The following DNHD1 variants were observed in gnomAD, a reference collection of about 807,000 sequenced individuals.
DNHD1 encodes the protein dynein heavy chain domain 1, also known as dynein heavy chain domain-containing protein 1.
DNHD1 carries 383 observed loss-of-function variants against 458.1 expected under a neutral mutation model. The observed-to-expected ratio is 0.84, with a 90% CI of 0.77 to 0.91. DNHD1 has a LOEUF of 0.91. Among genes scored for constraint, DNHD1 ranks in the 40% least tolerant of loss-of-function variants. DNHD1 has a pLI of 0.00. For synonymous variants in DNHD1, 2,203 were observed against 2,376.9 expected (o/e 0.93, Z 2.13); for missense variants, 5,336 against 5,866.1 (o/e 0.91, Z 2.95).
At chr11:6,510,673 G>A (rs896965037) in intron 6 of DNHD1, among the ~76,000 whole-genome samples, 1 of 152,138 alleles carries the variant, frequency 6.6e-6, no homozygotes, top group Non-Finnish European at 1.5e-5. Flanking sequence ...AGAATTAAAC[G>A]ACACTGTGAA....
Position 6,571,866 on chromosome 11 carries a change from C to A in DNHD1, c.14142C>A (p.Pro4714=). The change falls in exon 43 of 43, where the codon CCC becomes CCA. Residue 4714 remains proline, a synonymous_variant. Coordinates refer to ENST00000254579, the MANE Select transcript of DNHD1 (RefSeq NM_144666.3). This position sits in a 1 kb window ranked among gnomAD's most constrained non-coding sequence, Gnocchi z 5.0. ...CGTGTCCTGTGTACATGGGAGGGCC[C>A]CTTGGCACCGCTAAGCTGCAGAGCA... ...VYSCPVYMGG[P]LGTAKLQSRN... The A allele has an allele frequency of 6.2e-7, 1 of 1,614,002 alleles. No homozygotes were observed. The highest frequency in any genetic ancestry group is 8.5e-7 in the Non-Finnish European group (1 of 1,179,894).
At chr11:6,511,857 A>G (rs1024371993) in intron 7 of DNHD1, among the ~76,000 whole-genome samples, 7 of 152,270 alleles carry the variant, frequency 4.6e-5, no homozygotes, top group Admixed American at 2.0e-4. Flanking sequence ...TTAATTATGC[A>G]TATGTTGCAT....
In DNHD1 at chr11:6,546,412, G is replaced by A; in HGVS notation, c.5473G>A (p.Val1825Met). 1.9e-6 allele frequency: 3 copies of A among 1,551,972 alleles called. No individual in the cohort carries two copies. The highest frequency in any genetic ancestry group is 2.6e-6 in the Non-Finnish European group (3 of 1,147,074). The change falls in exon 21 of 43, where the codon GTG (valine) becomes ATG (methionine). Residue 1825 changes from valine to methionine, a missense_variant. By Grantham distance (21) the Val-to-Met change is conservative. This residue lies in a region of DNHD1 where 3,932 missense variants were observed against 4,365.6 expected (regional missense o/e 0.90). Transcript: ENST00000254579. ...CAACCTGCACCTGCTGCTGCGGCCT[G>A]TGGCATTGGCATTGCCTGATCTGCG... ...PANLHLLLRP[V>M]ALALPDLRQV...
chr11:6,498,273 C>T lies in DNHD1; in HGVS notation c.58C>T (p.Leu20Phe), dbSNP rs766855024. The change falls in exon 3 of 43, where the codon CTT becomes TTT. Residue 20 changes from leucine to phenylalanine, a missense_variant. Physicochemically the swap from Leu to Phe is conservative, Grantham distance 22 (BLOSUM62 0). Transcript: ENST00000254579. The stretch of plus-strand genomic sequence containing the variant: ...TTCTGATGAGACATCATCTGATTCC[C>T]TTAAGTCTTGGCACTCCATATGTGT... The part of the protein sequence containing the change: ...LSSDETSSDS[L>F]KSWHSICVLD... 2.5e-6 allele frequency: 4 copies of T among 1,614,088 alleles called. No individual in the cohort carries two copies. Among genetic ancestry groups the T allele is most frequent in the South Asian group, 1.1e-5 (1 of 91,078 alleles).
chr11:6,528,545 A>G lies in DNHD1; in HGVS notation c.1861A>G (p.Lys621Glu), dbSNP rs1589876155. The G allele has an allele frequency of 6.4e-7, 1 of 1,550,714 alleles. No homozygotes were observed. The highest frequency in any genetic ancestry group is 2.4e-5 in the East Asian group (1 of 40,864). The change falls in exon 11 of 43, where the codon AAA becomes GAA. Residue 621 changes from lysine (K) to glutamate (E), a missense_variant. Physicochemically the swap from Lys to Glu is moderately conservative, Grantham distance 56. This residue lies in a region of DNHD1 where 3,932 missense variants were observed against 4,365.6 expected (regional missense o/e 0.90). Coordinates refer to ENST00000254579, the MANE Select transcript of DNHD1 (RefSeq NM_144666.3). ...AGAAGAAGATGAAGAGGAGGACTCA[A>G]AAGACGAATTTCTGATGCCCAAGTT... ...SEEEDEEEDS[K>E]DEFLMPKFQG...
At chr11:6,562,642 G>C (rs1209571981) in intron 28 of DNHD1, among the ~76,000 whole-genome samples, 2 of 151,356 alleles carry the variant, frequency 1.3e-5, no homozygotes, top group Non-Finnish European at 2.9e-5. Flanking sequence ...CAAGAGAGGA[G>C]GATGCCTCAA....
Position 6,545,448 on chromosome 11 carries a change from C to T in DNHD1, c.4509C>T (p.Val1503=), listed in dbSNP as rs2134428633. The T allele has an allele frequency of 1.3e-6, 2 of 1,551,882 alleles. No individual in the cohort carries two copies. The highest frequency in any genetic ancestry group is 2.4e-5 in the South Asian group (2 of 84,066). ...QLYVQHWIDL[V]QAFPWQCVLV... ...ATGTCCAGCACTGGATCGACTTAGT[C>T]CAGGCCTTCCCATGGCAGTGTGTGC... The change falls in exon 21 of 43, where the codon GTC becomes GTT. Residue 1503 remains valine, a synonymous_variant. Coordinates refer to ENST00000254579, the MANE Select transcript of DNHD1 (RefSeq NM_144666.3). The surrounding 1 kb of genome is among the most constrained non-coding windows in gnomAD (Gnocchi z 4.9).
intron 24 of DNHD1, among the ~76,000 whole-genome samples, chr11:6,553,674 T>C (rs77600362): frequency 0.024 from 3,695 of 152,292 alleles, 50 homozygotes; most frequent in Middle Eastern, 0.068. Flanking sequence ...AATCAATCCA[T>C]TGAAATCATT....
In DNHD1 at chr11:6,537,792, A is replaced by G. The variant is rs1852989383; in HGVS notation, c.2999-591A>G. 2.6e-5 allele frequency among the ~76,000 whole-genome samples: 4 copies of G among 152,234 alleles called. No individual in the cohort carries two copies. In the South Asian group the frequency reaches 8.3e-4, roughly 32 times the overall value. Reference sequence around the variant, plus strand: ...CTAAAAATACAAAAATTAGCCTGACATGGTGGTGTGCGCCTGTATTCCCAG... The same window carrying G: ...CTAAAAATACAAAAATTAGCCTGACGTGGTGGTGTGCGCCTGTATTCCCAG... On this transcript the variant is annotated intron_variant, in intron 14 of 42. Transcript: ENST00000254579.
At chr11:6,510,389 A>C (rs1353557605) in intron 6 of DNHD1, among the ~76,000 whole-genome samples, 1 of 152,194 alleles carries the variant, frequency 6.6e-6, no homozygotes, top group African/African-American at 2.4e-5. Flanking sequence ...CAGACCTTCA[A>C]ATTTTTATTA....
In DNHD1 at chr11:6,565,826, CAGG is replaced by C; in HGVS notation, c.10891_10893del (p.Glu3631del). The C allele has an allele frequency of 6.4e-7, 1 of 1,551,580 alleles. No individual in the cohort carries two copies. Among genetic ancestry groups the C allele is most frequent in the Non-Finnish European group, 8.7e-7 (1 of 1,146,982 alleles). ...GAAGGCAGAGGAAAGAAAAAATGAG[CAGG>C]AGAAAGAGCAAGAGGAAAATGAAGA... On this transcript the variant is annotated inframe_deletion, in exon 33 of 43. Transcript: ENST00000254579.
rs1394943910 is a variant in DNHD1 at position 6,567,312 on chromosome 11, G to T, written c.11803G>T (p.Gly3935Cys). The change falls in exon 36 of 43, where the codon GGT (glycine) becomes TGT (cysteine). Residue 3935 changes from glycine to cysteine, a missense_variant. Gly to Cys is a radical substitution (Grantham distance 159, BLOSUM62 -3). Transcript: ENST00000254579. ...ALGLTQVPLV[G>C]ALGALALLQA... ...GGGCCTTACCCAAGTACCCTTGGTG[G>T]GTGCATTGGGCGCTTTGGCTCTGCT... The T allele has an allele frequency of 1.2e-6, 2 of 1,613,946 alleles. No homozygotes were observed. The highest frequency in any genetic ancestry group is 1.7e-6 in the Non-Finnish European group (2 of 1,179,916).
chr11:6,527,799 TCTTTC>T (rs1415529521), intron 10 of DNHD1, among the ~76,000 whole-genome samples: 3 of 152,240 alleles, frequency 2.0e-5, no homozygotes, highest in South Asian at 2.1e-4. Context: ...ACATTTTAAT[TCTTTC>T]CTTTATTTTG....
Position 6,548,194 on chromosome 11 carries a change from G to A in DNHD1, c.6906-16G>A, listed in dbSNP as rs987556595. 14 of 1,550,658 alleles carry A rather than the reference G, an allele frequency of 9.0e-6. No homozygotes were observed. The Admixed American group carries it at 1.2e-4, about 13-fold the overall frequency. On this transcript the variant is annotated splice_polypyrimidine_tract_variant and intron_variant, in intron 22 of 42. Transcript: ENST00000254579. This position sits in a 1 kb window ranked among gnomAD's most constrained non-coding sequence, Gnocchi z 4.4. The stretch of plus-strand genomic sequence containing the variant: ...GTAACTGTCTGACGCTTTTGCCTGT[G>A]TGTCCATCTGAGCAGGTTCTGGCCC...
chr11:6,545,597 A>G lies in DNHD1; in HGVS notation c.4658A>G (p.Gln1553Arg), dbSNP rs982874093. ...GTACTGGTGAATTTTATGCGGGCCC[A>G]GAGGGCTTCCCAAGGTGGGCAGTCC... ...LEVLVNFMRAQRASQGGQSLP... is the reference protein window; with the variant it reads ...LEVLVNFMRARRASQGGQSLP... The change falls in exon 21 of 43, where the codon CAG becomes CGG. Residue 1553 changes from glutamine to arginine, a missense_variant. By Grantham distance (43) the Gln-to-Arg change is conservative. Transcript: ENST00000254579. This position sits in a 1 kb window ranked among gnomAD's most constrained non-coding sequence, Gnocchi z 4.9. 111 of 1,551,872 alleles carry G rather than the reference A, an allele frequency of 7.2e-5. No individual in the cohort carries two copies. The highest frequency in any genetic ancestry group is 8.5e-5 in the Non-Finnish European group (98 of 1,147,046).
rs1853529873 is a variant in DNHD1, at chr11:6,559,054, T to A, written c.9364T>A (p.Phe3122Ile). ...GACCTTCCTAGACTTCCTGGACACT[T>A]TCCTGATGCTGCAGCAACAGACAAT... ...PKTFLDFLDT[F>I]LMLQQQTILK... The change falls in exon 27 of 43, where the codon TTC (phenylalanine) becomes ATC (isoleucine). Residue 3122 changes from phenylalanine (F) to isoleucine (I), a missense_variant. Transcript: ENST00000254579. 1 of 1,551,518 alleles carries A rather than the reference T, an allele frequency of 6.4e-7. No individual in the cohort carries two copies. Among genetic ancestry groups the A allele is most frequent in the Non-Finnish European group, 8.7e-7 (1 of 1,146,968 alleles).
rs144560104 is a variant in DNHD1, at chr11:6,515,093, A to G, written c.1392+3664A>G. On this transcript the variant is annotated intron_variant, in intron 7 of 42. Coordinates refer to ENST00000254579, the MANE Select transcript of DNHD1 (RefSeq NM_144666.3). The stretch of plus-strand genomic sequence containing the variant: ...GCCCTCTTAGCTCATTGATCCCTTC[A>G]TGTGGGTTGAGCCCTCTTAAAGACC... 2.4e-3 allele frequency among the ~76,000 whole-genome samples: 359 copies of G among 152,346 alleles called. 1 individual carries two copies. The highest frequency in any genetic ancestry group is 4.2e-3 in the Non-Finnish European group (286 of 68,028).
intron 7 of DNHD1, among the ~76,000 whole-genome samples, chr11:6,512,882 G>T (rs1319134422): frequency 6.6e-6 from 1 of 152,086 alleles, no homozygotes; most frequent in Non-Finnish European, 1.5e-5. Flanking sequence ...TTACGACTTT[G>T]CACTGATTGG....
chr11:6,550,041 A>T (rs1433661144), intron 24 of DNHD1, among the ~76,000 whole-genome samples: 2 of 152,212 alleles, frequency 1.3e-5, no homozygotes, highest in Non-Finnish European at 2.9e-5. Flanking sequence ...GAAGTCTCTT[A>T]TGAGATGTAG....
Sources: allele counts gnomAD v4.1 joint callset (sites outside exome capture counted in the v4.1 genomes callset), GRCh38; gene constraint gnomAD v4.1.1; regional missense constraint gnomAD v4.1.1; non-coding constraint Gnocchi (gnomAD v3.1); transcripts MANE v1.5; gene names NCBI Gene and HGNC (gene_info 2026-07-23, HGNC 2026-07-21).